NCOA3: variants seen among roughly 807,000 people sequenced by gnomAD.
NCOA3 encodes nuclear receptor coactivator 3, also known as CBP-interacting protein.
Under a neutral mutation model 158.8 loss-of-function variants are expected in NCOA3, and 51 were observed. The observed-to-expected ratio is 0.32, with a 90% confidence interval of 0.26 to 0.41. NCOA3 has a LOEUF of 0.41. NCOA3 is among the 10% of genes least tolerant of loss of function. The pLI is 1.00. For missense variants in NCOA3, 1,510 were observed against 1,746.6 expected (o/e 0.86, Z 2.41); for synonymous variants, 537 against 592.4 (o/e 0.91, Z 1.36).
At chr20:47,602,484 G>A (rs1379303517) in intron 2 of NCOA3, among the ~76,000 whole-genome samples, 4 of 152,174 alleles carry the variant, frequency 2.6e-5, no homozygotes, top group Admixed American at 6.5e-5. Flanking sequence ...TTGCCAACTT[G>A]TTAATTAAAA....
chr20:47,580,870 G>A (rs2085442176), intron 1 of NCOA3, among the ~76,000 whole-genome samples: 1 of 152,170 alleles, frequency 6.6e-6, no homozygotes, highest in South Asian at 2.1e-4. Flanking sequence ...GGAGGCCGAG[G>A]CAGACAGATC....
intron 1 of NCOA3, among the ~76,000 whole-genome samples, chr20:47,542,233 T>C (rs1228797018): frequency 6.7e-6 from 1 of 150,320 alleles, no homozygotes; most frequent in Non-Finnish European, 1.5e-5. Flanking sequence ...GAAAAGGGGC[T>C]CTTGCTATGT....
intron 2 of NCOA3, among the ~76,000 whole-genome samples, chr20:47,596,848 C>A (rs2085764446): frequency 6.6e-6 from 1 of 152,166 alleles, no homozygotes; most frequent in Non-Finnish European, 1.5e-5. Context: ...CCTCGGCCTC[C>A]TGAAGTGCTG....
At chr20:47,571,702 T>C (rs2085297804) in intron 1 of NCOA3, among the ~76,000 whole-genome samples, 1 of 152,124 alleles carries the variant, frequency 6.6e-6, no homozygotes, top group African/African-American at 2.4e-5. Flanking sequence ...GCAGAATAGA[T>C]TCAGTGTAAT....
chr20:47,525,896 C>G (rs1275412328), intron 1 of NCOA3, among the ~76,000 whole-genome samples: 2 of 142,790 alleles, frequency 1.4e-5, no homozygotes, highest in Non-Finnish European at 3.1e-5. Flanking sequence ...GGGGCTGACC[C>G]CCCCACCTCC....
chr20:47,615,243 C>T (rs1319144292), intron 2 of NCOA3, among the ~76,000 whole-genome samples: 1 of 152,052 alleles, frequency 6.6e-6, no homozygotes, highest in Non-Finnish European at 1.5e-5. Context: ...CTTATTTCTC[C>T]CTTATTAATT....
At chr20:47,506,665 C>G (rs2084035760) in intron 1 of NCOA3, among the ~76,000 whole-genome samples, 1 of 152,222 alleles carries the variant, frequency 6.6e-6, no homozygotes, top group African/African-American at 2.4e-5. Context: ...TCGGACCTGA[C>G]TGGCAAACAG....
chr20:47,538,333 G>A (rs190606528), intron 1 of NCOA3, among the ~76,000 whole-genome samples: 4 of 152,320 alleles, frequency 2.6e-5, no homozygotes, highest in South Asian at 4.1e-4. Context: ...TGCGTTAGAA[G>A]CGAAGAATAA....
At chr20:47,624,163 A>G (rs1602502803) in intron 4 of NCOA3, 80 bp downstream of exon 4, 6 of 1,272,192 alleles carry the variant, frequency 4.7e-6, no homozygotes, top group Non-Finnish European at 6.6e-6. Context: ...TGTGGAAGCC[A>G]GTTTTTCCAT....
In NCOA3 at chr20:47,651,104, G is replaced by GCAA. The variant is rs2086785314; in HGVS notation, c.3776_3777insACA (p.Gln1276dup). On this transcript the variant is annotated inframe_insertion, in exon 20 of 23. Coordinates refer to ENST00000371998, the MANE Select transcript of NCOA3 (RefSeq NM_181659.3). Reference sequence around the variant, plus strand: ...AGCAGCAGCAGCAACAGCAGCAGCAGCAGCAGCAGCAGCAGCAACAGCAAC... The same window carrying GCAA: ...AGCAGCAGCAGCAACAGCAGCAGCAGCAACAGCAGCAGCAGCAGCAACAGCAAC... 10 of 1,607,634 alleles carry GCAA rather than the reference G, an allele frequency of 6.2e-6. No homozygotes were observed. Among genetic ancestry groups the GCAA allele is most frequent in the South Asian group, 5.5e-5 (5 of 90,784 alleles).
chr20:47,656,187 G>A lies in NCOA3; in HGVS notation c.*2770G>A, dbSNP rs1177610583. The A allele has an allele frequency of 7.0e-6, 1 of 142,640 alleles. No homozygotes were observed. Among genetic ancestry groups the A allele is most frequent in the Non-Finnish European group, 1.5e-5 (1 of 66,250 alleles). 8.8% of individuals were successfully genotyped at this position (142,640 alleles called of 1,614,324 possible). ...AAATAAAATATATATATTTTATAAA[G>A]ATCAGAATGATATAAAGGAGATACA... On this transcript the variant is annotated 3_prime_UTR_variant, in exon 23 of 23. Transcript: ENST00000371998.
chr20:47,520,157 G>A (rs1466999563), intron 1 of NCOA3, among the ~76,000 whole-genome samples: 1 of 151,406 alleles, frequency 6.6e-6, no homozygotes, highest in Non-Finnish European at 1.5e-5. Context: ...GTGACAACAA[G>A]GTGGTATTGG....
chr20:47,624,097 T>A lies in NCOA3; in HGVS notation c.256+14T>A. 1 of 1,591,100 alleles carries A rather than the reference T, an allele frequency of 6.3e-7. No homozygotes were observed. The highest frequency in any genetic ancestry group is 8.6e-7 in the Non-Finnish European group (1 of 1,169,090). On this transcript the variant is annotated intron_variant, in intron 4 of 22. Coordinates refer to ENST00000371998, the MANE Select transcript of NCOA3 (RefSeq NM_181659.3). ...TAAAAGAGCAAGGTAATAAAAACAC[T>A]CATGTCTTTTTGAACAGTGGTGGTT...
intron 2 of NCOA3, among the ~76,000 whole-genome samples, chr20:47,593,174 C>T (rs2085677132): frequency 1.3e-5 from 2 of 151,934 alleles, no homozygotes; most frequent in Admixed American, 1.3e-4. Context: ...CTCAGGTGAT[C>T]CACCTGCCTC....
chr20:47,511,524 G>GAGAGATATATATATATAT (rs74178739), intron 1 of NCOA3, among the ~76,000 whole-genome samples: 1 of 22,020 alleles, frequency 4.5e-5, no homozygotes, highest in African/African-American at 9.1e-5. Flanking sequence ...TCTCTCTCGA[G>GAGAGATATATATATATAT]ATATATATAT....
chr20:47,564,280 A>G (rs1398056570), intron 1 of NCOA3, among the ~76,000 whole-genome samples: 1 of 151,612 alleles, frequency 6.6e-6, no homozygotes, highest in African/African-American at 2.4e-5. Context: ...TTTTTTTTCA[A>G]TTATTGTAGC....
intron 2 of NCOA3, among the ~76,000 whole-genome samples, chr20:47,609,177 C>T (rs1033503472): frequency 3.3e-5 from 5 of 152,090 alleles, no homozygotes; most frequent in South Asian, 2.1e-4. Flanking sequence ...TTCCTCACAC[C>T]GAGTCATCAG....
intron 2 of NCOA3, among the ~76,000 whole-genome samples, chr20:47,600,149 T>G (rs1330365685): frequency 1.1e-4 from 17 of 148,966 alleles, no homozygotes; most frequent in African/African-American, 3.7e-4. Context: ...TGTGTGTATT[T>G]TATATATTTT....
At position 47,590,323 on chromosome 20, in the gene NCOA3, G is replaced by A. The variant is rs1602448421; in HGVS notation, c.-20+7062G>A. ...TTATTAACATGAAAAAATAGACTTA[G>A]TTTTTACTTTATTTTGAGGTGGGGT... On this transcript the variant is annotated intron_variant, in intron 2 of 22. Transcript: ENST00000371998. Among the ~76,000 whole-genome samples, 10 of 152,058 alleles carry A rather than the reference G, an allele frequency of 6.6e-5. 1 individual carries two copies. In the South Asian group the frequency reaches 2.1e-3, roughly 31 times the overall value.
Sources: allele counts gnomAD v4.1 joint callset (sites outside exome capture counted in the v4.1 genomes callset), GRCh38; gene constraint gnomAD v4.1.1; transcripts MANE v1.5; gene names NCBI Gene and HGNC (gene_info 2026-07-23, HGNC 2026-07-21).